Variants in RBFOX1 observed in about 807,000 individuals in gnomAD.
The protein encoded by RBFOX1 is RNA binding fox-1 homolog 1.
RBFOX1 carries 8 observed loss-of-function variants against 57.7 expected under a neutral mutation model. That is an observed-to-expected ratio of 0.14 (90% CI 0.08 to 0.25). RBFOX1 has a LOEUF of 0.25. Ranked by LOEUF, RBFOX1 falls within the 10% of genes least tolerant of loss-of-function variation. RBFOX1 has a pLI of 1.00. For missense variants in RBFOX1, 611 were observed against 548.5 expected (o/e 1.11, Z -1.14); for synonymous variants, 326 against 222.4 (o/e 1.47, Z -4.15).
chr16:5,637,241 A>G (rs1334818727), intron 3 of RBFOX1, among the ~76,000 whole-genome samples: 3 of 152,238 alleles, frequency 2.0e-5, no homozygotes, highest in Non-Finnish European at 4.4e-5. Flanking sequence ...GCAGCCTCCA[A>G]CAATTAGGCT....
At chr16:5,839,449 T>C (rs1406994273) in intron 3 of RBFOX1, among the ~76,000 whole-genome samples, 2 of 152,188 alleles carry the variant, frequency 1.3e-5, no homozygotes, top group Admixed American at 6.5e-5. Context: ...CATTATCTGG[T>C]CCTGATTCAC....
chr16:5,876,892 C>G (rs1597603125), intron 4 of RBFOX1, among the ~76,000 whole-genome samples: 1 of 152,176 alleles, frequency 6.6e-6, no homozygotes, highest in Non-Finnish European at 1.5e-5. Flanking sequence ...GAGACAGACT[C>G]AGCCACAGTG....
intron 2 of RBFOX1, among the ~76,000 whole-genome samples, chr16:5,493,390 C>G (rs1318894201): frequency 1.3e-5 from 2 of 152,074 alleles, no homozygotes; most frequent in African/African-American, 2.4e-5. Flanking sequence ...TAAGACAAAC[C>G]CTCCGCACCC....
At chr16:7,624,046 G>C (rs980654226) in intron 10 of RBFOX1, among the ~76,000 whole-genome samples, 1 of 152,162 alleles carries the variant, frequency 6.6e-6, no homozygotes, top group Non-Finnish European at 1.5e-5. Flanking sequence ...AACCCAAATA[G>C]CTTGTTTTTC....
intron 5 of RBFOX1, among the ~76,000 whole-genome samples, chr16:7,551,000 G>A (rs962180073): frequency 1.3e-5 from 2 of 150,136 alleles, no homozygotes; most frequent in African/African-American, 2.4e-5. Context: ...AGGCTGAGGC[G>A]GGAAAATCAC....
chr16:7,041,767 C>G (rs923056917), intron 3 of RBFOX1, among the ~76,000 whole-genome samples: 1 of 152,142 alleles, frequency 6.6e-6, no homozygotes, highest in Non-Finnish European at 1.5e-5. Context: ...GTCATTTGAC[C>G]CAGTGCTTCT....
At chr16:5,823,798 T>A (rs908103834) in intron 3 of RBFOX1, among the ~76,000 whole-genome samples, 3 of 152,186 alleles carry the variant, frequency 2.0e-5, no homozygotes, top group African/African-American at 7.2e-5. Flanking sequence ...ACTGTCTAAT[T>A]GCAGGAAAAC....
At chr16:6,820,722 G>C (rs531118016) in intron 3 of RBFOX1, among the ~76,000 whole-genome samples, 1 of 152,022 alleles carries the variant, frequency 6.6e-6, no homozygotes, top group Non-Finnish European at 1.5e-5. Context: ...CTCATTCTTA[G>C]AAGATTTTTT....
chr16:5,308,134 G>T (rs1369556118), intron 1 of RBFOX1, among the ~76,000 whole-genome samples: 1 of 152,116 alleles, frequency 6.6e-6, no homozygotes, highest in East Asian at 1.9e-4. Flanking sequence ...GAAGTCAGGA[G>T]TTCGAGACCA....
chr16:5,405,448 C>T (rs183801945), intron 1 of RBFOX1, among the ~76,000 whole-genome samples: 1 of 152,300 alleles, frequency 6.6e-6, no homozygotes, highest in East Asian at 1.9e-4. Context: ...TGCCTTTTGC[C>T]TTCTGCCATG....
intron 3 of RBFOX1, among the ~76,000 whole-genome samples, chr16:7,035,929 C>G (rs556629461): frequency 6.6e-6 from 1 of 152,238 alleles, no homozygotes; most frequent in East Asian, 1.9e-4. Flanking sequence ...CCACCACCAC[C>G]CAGCCAACCC....
chr16:7,565,132 G>T (rs867041056), intron 5 of RBFOX1, among the ~76,000 whole-genome samples: 11 of 152,256 alleles, frequency 7.2e-5, no homozygotes, highest in Middle Eastern at 3.4e-3. Flanking sequence ...GTGGGTTTTA[G>T]TTCACATTCC....
intron 3 of RBFOX1, among the ~76,000 whole-genome samples, chr16:6,786,594 A>T (rs2082002763): frequency 6.6e-6 from 1 of 152,160 alleles, no homozygotes; most frequent in Non-Finnish European, 1.5e-5. Context: ...ATAAGGACAA[A>T]GCTGGTTCCC....
chr16:6,900,381 C>T lies in RBFOX1; in HGVS notation c.-15-151676C>T, dbSNP rs561349186. 1.1e-4 allele frequency among the ~76,000 whole-genome samples: 17 copies of T among 152,328 alleles called. No individual in the cohort carries two copies. The South Asian group carries it at 3.3e-3, about 30-fold the overall frequency. ...GATCCTTCTGTAACCTCTATCCATG[C>T]TCCCATCAAGGAAAAAGATTTTGAA... On this transcript the variant is annotated intron_variant, in intron 3 of 15. Coordinates refer to ENST00000550418, the MANE Select transcript of RBFOX1 (RefSeq NM_018723.4).
chr16:7,267,858 AAATT>A (rs774820311), intron 4 of RBFOX1, among the ~76,000 whole-genome samples: 47 of 152,298 alleles, frequency 3.1e-4, no homozygotes, highest in African/African-American at 7.9e-4. Flanking sequence ...CCTGTCTCAA[AAATT>A]AATTAATTAA....
At chr16:6,033,426 A>G (rs1394385729) in intron 1 of RBFOX1, among the ~76,000 whole-genome samples, 2 of 152,338 alleles carry the variant, frequency 1.3e-5, no homozygotes, top group Middle Eastern at 3.4e-3. Flanking sequence ...AGAGACAACT[A>G]TTTTTATAGT....
Position 7,636,638 on chromosome 16 carries a change from T to A in RBFOX1, c.757+5955T>A, listed in dbSNP as rs28404577. ...GTCAAGAGCAAGTTTTGTTTTGCAC[T>A]GTATCAGTCAGTTTGGGCTGCTATA... On this transcript the variant is annotated intron_variant, in intron 11 of 15. Transcript: ENST00000550418. Among the ~76,000 whole-genome samples, 13 of 152,140 alleles carry A rather than the reference T, an allele frequency of 8.5e-5. No individual in the cohort carries two copies. In the East Asian group the frequency reaches 2.5e-3, roughly 29 times the overall value.
chr16:5,516,362 C>T (rs2043792664), intron 2 of RBFOX1, among the ~76,000 whole-genome samples: 1 of 152,132 alleles, frequency 6.6e-6, no homozygotes, highest in South Asian at 2.1e-4. Context: ...TTTCTGTCTT[C>T]CATCACTTCC....
chr16:5,367,324 C>G (rs886598636), intron 1 of RBFOX1, among the ~76,000 whole-genome samples: 1 of 152,140 alleles, frequency 6.6e-6, no homozygotes, highest in African/African-American at 2.4e-5. Context: ...CCTGACCTGC[C>G]CAGAACACAG....
Sources: gnomAD v4.1 joint callset for allele counts (sites outside exome capture counted in the v4.1 genomes callset) on GRCh38, gnomAD v4.1.1 for gene constraint, MANE v1.5 for transcripts, NCBI Gene and HGNC (gene_info 2026-07-23, HGNC 2026-07-21) for gene names.